The following CAMTA1 variants were observed in gnomAD, a reference collection of about 807,000 sequenced individuals.
The protein encoded by CAMTA1 is calmodulin-binding transcription activator 1.
CAMTA1 carries 27 observed loss-of-function variants against 170.9 expected under a neutral mutation model. That is an observed-to-expected ratio of 0.16 (90% CI 0.12 to 0.22). The LOEUF (loss-of-function observed/expected upper bound fraction) is 0.22. Ranked by LOEUF, CAMTA1 falls within the 10% of genes least tolerant of loss-of-function variation. The probability of loss-of-function intolerance (pLI) is 1.00; values close to 1 mark genes in which losing one functional copy is unlikely to be tolerated. For missense variants in CAMTA1, 1,619 were observed against 2,217.2 expected (o/e 0.73, Z 5.42); for synonymous variants, 833 against 891.5 (o/e 0.93, Z 1.17).
intron 3 of CAMTA1, among the ~76,000 whole-genome samples, chr1:7,052,359 C>G (rs1292036769): frequency 6.6e-6 from 1 of 152,094 alleles, no homozygotes; most frequent in African/African-American, 2.4e-5. Context: ...CGACTCATCC[C>G]TAGGCCCTGG....
chr1:7,367,903 C>A (rs1251864392), intron 5 of CAMTA1, among the ~76,000 whole-genome samples: 1 of 145,650 alleles, frequency 6.9e-6, no homozygotes, highest in Non-Finnish European at 1.5e-5. Context: ...TTTCGTTGGG[C>A]ACAGACACTG....
intron 3 of CAMTA1, among the ~76,000 whole-genome samples, chr1:6,986,367 G>A (rs1413510072): frequency 1.3e-5 from 2 of 152,198 alleles, no homozygotes; most frequent in Non-Finnish European, 2.9e-5. Context: ...TACCACCCAA[G>A]ATGTGACAGA....
intron 5 of CAMTA1, among the ~76,000 whole-genome samples, chr1:7,375,489 A>T (rs1470448707): frequency 1.3e-5 from 2 of 152,156 alleles, no homozygotes; most frequent in Admixed American, 1.3e-4. Context: ...CCACTGGGGG[A>T]CTGAGGCGGA....
intron 6 of CAMTA1, among the ~76,000 whole-genome samples, chr1:7,519,953 C>G (rs1309035385): frequency 1.3e-5 from 2 of 151,236 alleles, no homozygotes; most frequent in South Asian, 2.1e-4. Flanking sequence ...TCAGTTGTCC[C>G]GTGCTGGCCC....
intron 7 of CAMTA1, among the ~76,000 whole-genome samples, chr1:7,655,582 A>T (rs1297522394): frequency 9.4e-6 from 1 of 105,902 alleles, no homozygotes; most frequent in Non-Finnish European, 2.2e-5. Flanking sequence ...ACCTACACAC[A>T]CAAACACCCC....
chr1:7,231,892 C>G (rs1054303610), intron 4 of CAMTA1, among the ~76,000 whole-genome samples: 2 of 152,320 alleles, frequency 1.3e-5, no homozygotes, highest in East Asian at 3.9e-4. Context: ...GCAAGCATGG[C>G]CTCTGCCCTC....
At chr1:7,553,112 C>T (rs543154170) in intron 6 of CAMTA1, among the ~76,000 whole-genome samples, 79 of 152,006 alleles carry the variant, frequency 5.2e-4, no homozygotes, top group Non-Finnish European at 6.5e-4. Flanking sequence ...AGTGAATGAA[C>T]GAATGAGTGA....
At chr1:7,203,386 T>C (rs1657055482) in intron 4 of CAMTA1, among the ~76,000 whole-genome samples, 1 of 152,164 alleles carries the variant, frequency 6.6e-6, no homozygotes, top group Admixed American at 6.5e-5. Context: ...TCTCTCCTCA[T>C]ATTTTTTGAA....
intron 3 of CAMTA1, among the ~76,000 whole-genome samples, chr1:6,943,858 A>G (rs1687132007): frequency 9.4e-6 from 1 of 105,898 alleles, no homozygotes. Context: ...AAAAAAAAAA[A>G]AAAAAAAAAA....
intron 5 of CAMTA1, among the ~76,000 whole-genome samples, chr1:7,391,328 A>AGTGTGTGTGTGTGTGT (rs35663101): frequency 0.012 from 1,816 of 146,968 alleles, 32 homozygotes; most frequent in African/African-American, 0.041. Flanking sequence ...CCCTTTACAC[A>AGTGTGTGTGTGTGTGT]GTGTGTGTGT....
intron 5 of CAMTA1, among the ~76,000 whole-genome samples, chr1:7,392,543 C>T (rs867057201): frequency 1.2e-4 from 18 of 151,384 alleles, no homozygotes; most frequent in African/African-American, 3.9e-4. Context: ...GCATGAGCCA[C>T]GGCACCCGGC....
rs142747142 is a variant in CAMTA1 at position 7,485,224 on chromosome 1, C to T, written c.510+17323C>T. The stretch of plus-strand genomic sequence containing the variant: ...GCCTGAAAGCCACGGCCCTTGTGCG[C>T]GCATTACATAGCTGCAGTTGCCAGT... On this transcript the variant is annotated intron_variant, in intron 6 of 22. Coordinates refer to ENST00000303635, the MANE Select transcript of CAMTA1 (RefSeq NM_015215.4). Among the ~76,000 whole-genome samples, 796 of 152,296 alleles carry T rather than the reference C, an allele frequency of 5.2e-3. 6 individuals carry two copies. Among genetic ancestry groups the T allele is most frequent in the Non-Finnish European group, 9.2e-3 (627 of 68,026 alleles).
Position 7,363,071 on chromosome 1 carries a change from G to A in CAMTA1, c.439-104759G>A, listed in dbSNP as rs113368113. On this transcript the variant is annotated intron_variant, in intron 5 of 22. Transcript: ENST00000303635. Reference sequence around the variant, plus strand: ...CTCTGTAGAAGAAGAAAGACATTGCGGAAGTTTTTAAATAGGGACATGATA... The same window carrying A: ...CTCTGTAGAAGAAGAAAGACATTGCAGAAGTTTTTAAATAGGGACATGATA... Among the ~76,000 whole-genome samples, 702 of 152,286 alleles carry A rather than the reference G, an allele frequency of 4.6e-3. 5 individuals are homozygous for A. Among genetic ancestry groups the A allele is most frequent in the African/African-American group, 0.016 (679 of 41,558 alleles).
chr1:7,625,315 C>A (rs1050430964), intron 6 of CAMTA1, among the ~76,000 whole-genome samples: 1 of 152,236 alleles, frequency 6.6e-6, no homozygotes, highest in Non-Finnish European at 1.5e-5. Context: ...GATGCCTGCC[C>A]GTCTCTCCCC....
intron 4 of CAMTA1, among the ~76,000 whole-genome samples, chr1:7,227,982 G>A (rs772633252): frequency 5.3e-5 from 8 of 152,230 alleles, no homozygotes; most frequent in Non-Finnish European, 1.2e-4. Context: ...GCCAGGCTTT[G>A]CACTCATCTT....
intron 4 of CAMTA1, among the ~76,000 whole-genome samples, chr1:7,208,274 T>G (rs922818369): frequency 6.6e-6 from 1 of 152,366 alleles, no homozygotes; most frequent in Non-Finnish European, 1.5e-5. Flanking sequence ...GGTTTGTTCA[T>G]TGTGCATTCA....
At chr1:7,097,078 C>T (rs1237749616) in intron 4 of CAMTA1, among the ~76,000 whole-genome samples, 1 of 152,214 alleles carries the variant, frequency 6.6e-6, no homozygotes, top group Non-Finnish European at 1.5e-5. Context: ...TGGTCTGCCT[C>T]TTCCTGGGAG....
intron 4 of CAMTA1, among the ~76,000 whole-genome samples, chr1:7,110,486 G>C (rs185698659): frequency 1.0e-3 from 154 of 152,324 alleles, no homozygotes; most frequent in Non-Finnish European, 1.9e-3. Flanking sequence ...ACCCAGTTCA[G>C]CTCCTTGCCT....
rs995458108 is a variant in CAMTA1, at chr1:7,580,397, G to C, written c.511-60003G>C. Among the ~76,000 whole-genome samples, 1 of 152,110 alleles carries C rather than the reference G, an allele frequency of 6.6e-6. No homozygotes were observed. Among genetic ancestry groups the C allele is most frequent in the Non-Finnish European group, 1.5e-5 (1 of 67,996 alleles). On this transcript the variant is annotated intron_variant, in intron 6 of 22. Transcript: ENST00000303635. This position sits in a 1 kb window ranked among gnomAD's most constrained non-coding sequence, Gnocchi z 4.3. ...GGAGGAAGGGGCTCAGATGAAGCAG[G>C]TCTGGGGGAGAGGAAGGAAGACAGG...
Sources: gnomAD v4.1 joint callset for allele counts (sites outside exome capture counted in the v4.1 genomes callset) on GRCh38, gnomAD v4.1.1 for gene constraint, Gnocchi (gnomAD v3.1) non-coding constraint, MANE v1.5 for transcripts, NCBI Gene and HGNC (gene_info 2026-07-23, HGNC 2026-07-21) for gene names.